Variants in GALNT10 observed in about 807,000 individuals in gnomAD.
The protein encoded by GALNT10 is polypeptide N-acetylgalactosaminyltransferase 10.
A neutral mutation model predicts 75.0 loss-of-function variants in GALNT10; 41 were observed. The ratio of observed to expected loss-of-function variants is 0.55; its 90% CI spans 0.43 to 0.71. GALNT10 has a LOEUF of 0.71. Ranked by LOEUF, GALNT10 falls within the 30% of genes least tolerant of loss-of-function variation. GALNT10 has a pLI of 0.00. For missense variants in GALNT10, 727 were observed against 818.5 expected (o/e 0.89, Z 1.36); for synonymous variants, 302 against 313.0 (o/e 0.96, Z 0.37).
At chr5:154,242,840 G>C (rs1296183240) in intron 1 of GALNT10, among the ~76,000 whole-genome samples, 1 of 152,202 alleles carries the variant, frequency 6.6e-6, no homozygotes, top group African/African-American at 2.4e-5. Flanking sequence ...GAGCACAATA[G>C]CCACCACTCC....
intron 7 of GALNT10, chr5:154,403,822 T>G: frequency 2.3e-6 from 1 of 442,600 alleles, no homozygotes; most frequent in East Asian, 4.8e-5. Flanking sequence ...ATCTGTAAAA[T>G]GTTACTACCT....
intron 4 of GALNT10, among the ~76,000 whole-genome samples, chr5:154,337,097 A>G (rs528586262): frequency 6.6e-6 from 1 of 152,332 alleles, no homozygotes; most frequent in African/African-American, 2.4e-5. Flanking sequence ...TATTAGGATC[A>G]TACTGTATAC....
At chr5:154,310,002 G>A (rs56243355) in intron 3 of GALNT10, among the ~76,000 whole-genome samples, 2,426 of 152,282 alleles carry the variant, frequency 0.016, 30 homozygotes, top group South Asian at 0.035. Context: ...AGTCTGTGGC[G>A]TGCAGTGTAA....
chr5:154,279,304 GTTTT>G (rs1199051669), intron 1 of GALNT10, among the ~76,000 whole-genome samples: 1 of 101,384 alleles, frequency 9.9e-6, no homozygotes, highest in East Asian at 2.1e-4. Flanking sequence ...TTGTTGTTTT[GTTTT>G]TTTTTTTTTT....
intron 3 of GALNT10, among the ~76,000 whole-genome samples, chr5:154,301,977 C>T (rs1754369606): frequency 6.6e-6 from 1 of 152,190 alleles, no homozygotes; most frequent in Non-Finnish European, 1.5e-5. Flanking sequence ...GCTCCTGACA[C>T]CCCCCTTTTT....
chr5:154,413,181 T>C (rs973267030), intron 10 of GALNT10, among the ~76,000 whole-genome samples, 176 bp downstream of exon 10: 6 of 152,202 alleles, frequency 3.9e-5, no homozygotes, highest in Admixed American at 3.3e-4. Flanking sequence ...TTCCTTCACA[T>C]TGCAATAAAA....
At chr5:154,301,834 C>CTGTGGG (rs1754364723) in intron 3 of GALNT10, among the ~76,000 whole-genome samples, 1 of 152,186 alleles carries the variant, frequency 6.6e-6, no homozygotes, top group South Asian at 2.1e-4. Flanking sequence ...CATCAATAAG[C>CTGTGGG]TGTGGAACTC....
rs754248171 is a variant in GALNT10, at chr5:154,329,646, C to G, written c.476C>G (p.Ser159Cys). ...ATCCCCTTCCACAACGAGGGCTGGT[C>G]CTCCCTCCTCCGCACCGTCCACAGT... Reference protein sequence around the residue: ...IIIPFHNEGWSSLLRTVHSVL... With the variant: ...IIIPFHNEGWCSLLRTVHSVL... The change falls in exon 4 of 12, where the codon TCC becomes TGC. Residue 159 changes from serine (S) to cysteine (C), a missense_variant. Coordinates refer to ENST00000297107, the MANE Select transcript of GALNT10 (RefSeq NM_198321.4). 10 of 1,613,046 alleles carry G rather than the reference C, an allele frequency of 6.2e-6. No homozygotes were observed. Among genetic ancestry groups the G allele is most frequent in the Non-Finnish European group, 7.6e-6 (9 of 1,179,162 alleles).
At chr5:154,212,369 G>A (rs2113649169) in intron 1 of GALNT10, among the ~76,000 whole-genome samples, 1 of 152,340 alleles carries the variant, frequency 6.6e-6, no homozygotes, top group Middle Eastern at 3.4e-3. Context: ...GACAGGCACT[G>A]CGCCAGGCAG....
At chr5:154,256,090 G>T (rs934449691) in intron 1 of GALNT10, among the ~76,000 whole-genome samples, 4 of 152,046 alleles carry the variant, frequency 2.6e-5, no homozygotes, top group Non-Finnish European at 5.9e-5. Context: ...CCTTCTCAAG[G>T]TAGACAAAAA....
intron 1 of GALNT10, among the ~76,000 whole-genome samples, chr5:154,291,714 T>C (rs1306944077): frequency 6.6e-6 from 1 of 152,142 alleles, no homozygotes; most frequent in Non-Finnish European, 1.5e-5. Context: ...CAAAATAACT[T>C]CTCCCATGTC....
At chr5:154,250,543 G>A (rs985357291) in intron 1 of GALNT10, among the ~76,000 whole-genome samples, 1 of 152,108 alleles carries the variant, frequency 6.6e-6, no homozygotes, top group African/African-American at 2.4e-5. Context: ...TACTCCCCAG[G>A]TTAAAGTTTC....
rs185088236 is a variant in GALNT10 at position 154,241,161 on chromosome 5, G to C, written c.159+50136G>C. The stretch of plus-strand genomic sequence containing the variant: ...TTCTGGAAATGTCCATGGAAAGAAT[G>C]TGCTATTGCCAGTTAGACGAGGCCT... On this transcript the variant is annotated intron_variant, in intron 1 of 11. Coordinates refer to ENST00000297107, the MANE Select transcript of GALNT10 (RefSeq NM_198321.4). Among the ~76,000 whole-genome samples the C allele has an allele frequency of 3.1e-3, 470 of 152,288 alleles. 2 individuals are homozygous for C. Among genetic ancestry groups the C allele is most frequent in the African/African-American group, 0.011 (453 of 41,560 alleles).
At chr5:154,200,494 C>T (rs1775010348) in intron 1 of GALNT10, among the ~76,000 whole-genome samples, 1 of 152,162 alleles carries the variant, frequency 6.6e-6, no homozygotes, top group South Asian at 2.1e-4. Context: ...ATTGTATGTT[C>T]TCAACTGAAA....
At chr5:154,396,201 TATGAATGAATGA>T (rs5872378) in intron 7 of GALNT10, among the ~76,000 whole-genome samples, 1 of 151,042 alleles carries the variant, frequency 6.6e-6, no homozygotes, top group East Asian at 1.9e-4. Context: ...CCAGATCATG[TATGAATGAATGA>T]ATGAATGAAT....
chr5:154,223,841 T>C (rs1395771459), intron 1 of GALNT10, among the ~76,000 whole-genome samples: 2 of 151,482 alleles, frequency 1.3e-5, no homozygotes, highest in Non-Finnish European at 2.9e-5. Flanking sequence ...GATCACCAGA[T>C]CCTAGGAGGT....
intron 4 of GALNT10, among the ~76,000 whole-genome samples, chr5:154,340,756 T>C (rs35500229): frequency 0.067 from 10,266 of 152,236 alleles, 381 homozygotes; most frequent in Middle Eastern, 0.17. Context: ...AACATCTTTA[T>C]CAGACAACCA....
intron 3 of GALNT10, among the ~76,000 whole-genome samples, chr5:154,308,190 G>A (rs1754463718): frequency 6.6e-6 from 1 of 151,748 alleles, no homozygotes; most frequent in East Asian, 1.9e-4. Context: ...GAATGTAGTT[G>A]GAAAGGGATT....
chr5:154,214,167 A>G (rs1280725041), intron 1 of GALNT10, among the ~76,000 whole-genome samples: 1 of 152,070 alleles, frequency 6.6e-6, no homozygotes, highest in African/African-American at 2.4e-5. Context: ...TTGGTAAAAC[A>G]TTTTTGAGAA....
Sources: gnomAD v4.1 joint callset for allele counts (sites outside exome capture counted in the v4.1 genomes callset) on GRCh38, gnomAD v4.1.1 for gene constraint, MANE v1.5 for transcripts, NCBI Gene and HGNC (gene_info 2026-07-23, HGNC 2026-07-21) for gene names.